RASAL2: variants seen among roughly 807,000 people sequenced by gnomAD.
RASAL2 encodes RAS protein activator like 2.
Under a neutral mutation model 128.9 loss-of-function variants are expected in RASAL2, and 58 were observed. That is an observed-to-expected ratio of 0.45 (90% CI 0.36 to 0.56). The LOEUF is 0.56. Among genes scored for constraint, RASAL2 ranks in the 20% least tolerant of loss-of-function variants. The pLI is 0.00. For synonymous variants in RASAL2, 561 were observed against 580.8 expected, an observed-to-expected ratio of 0.97 and a Z score of 0.49; for missense variants, 1,360 against 1,601.6, an observed-to-expected ratio of 0.85 and a Z score of 2.57.
At chr1:178,461,814 C>T (rs1021644382) in intron 14 of RASAL2, among the ~76,000 whole-genome samples, 3 of 152,186 alleles carry the variant, frequency 2.0e-5, no homozygotes, top group African/African-American at 7.2e-5. Flanking sequence ...GGGAATCCGA[C>T]TATTTCACAC....
At chr1:178,251,845 A>T (rs1010269136) in intron 1 of RASAL2, among the ~76,000 whole-genome samples, 2 of 152,212 alleles carry the variant, frequency 1.3e-5, no homozygotes, top group African/African-American at 4.8e-5. Context: ...CCTTGTAAAG[A>T]TGGTTGCAAA....
chr1:178,444,600 C>T (rs1676875317), intron 8 of RASAL2, among the ~76,000 whole-genome samples: 1 of 152,114 alleles, frequency 6.6e-6, no homozygotes. Context: ...TTGAGCTTTA[C>T]TAGAAGTTCT....
At chr1:178,333,960 T>G (rs956741878) in intron 3 of RASAL2, among the ~76,000 whole-genome samples, 1 of 152,354 alleles carries the variant, frequency 6.6e-6, no homozygotes, top group Non-Finnish European at 1.5e-5. Flanking sequence ...TGGCTTGTTT[T>G]TAAAGCAACA....
intron 1 of RASAL2, among the ~76,000 whole-genome samples, chr1:178,211,839 C>T (rs145749989): frequency 9.1e-4 from 138 of 152,306 alleles, no homozygotes; most frequent in African/African-American, 2.7e-3. Flanking sequence ...AACCAACCAT[C>T]GTAACAGTTA....
At chr1:178,162,328 T>G (rs1413943909) in intron 1 of RASAL2, among the ~76,000 whole-genome samples, 2 of 127,096 alleles carry the variant, frequency 1.6e-5, no homozygotes, top group Admixed American at 9.7e-5. Context: ...TATATTATAT[T>G]TATAATATAT....
intron 4 of RASAL2, among the ~76,000 whole-genome samples, chr1:178,417,719 A>G (rs1674856200): frequency 2.0e-5 from 3 of 146,528 alleles, no homozygotes; most frequent in African/African-American, 7.7e-5. Context: ...AGATTGCACC[A>G]TTGCACTCCA....
chr1:178,132,907 C>T (rs955837396), intron 1 of RASAL2, among the ~76,000 whole-genome samples: 3 of 151,694 alleles, frequency 2.0e-5, no homozygotes, highest in South Asian at 2.1e-4. Context: ...TAGCTGGGAC[C>T]GCAGGTATGT....
intron 3 of RASAL2, among the ~76,000 whole-genome samples, chr1:178,306,187 G>C (rs1390090234): frequency 6.6e-6 from 1 of 152,146 alleles, no homozygotes; most frequent in Non-Finnish European, 1.5e-5. Context: ...TGAGAATGAT[G>C]ATTTCCAATT....
intron 1 of RASAL2, among the ~76,000 whole-genome samples, chr1:178,264,597 G>A (rs866352425): frequency 4.7e-4 from 71 of 152,222 alleles, no homozygotes; most frequent in African/African-American, 1.6e-3. Flanking sequence ...TATCATAGAG[G>A]ACACAAATGA....
intron 5 of RASAL2, among the ~76,000 whole-genome samples, chr1:178,438,819 T>C (rs1206927849): frequency 6.6e-6 from 1 of 151,726 alleles, no homozygotes; most frequent in East Asian, 1.9e-4. Context: ...GAATTCTATA[T>C]TGAGATGGAA....
At chr1:178,237,106 GA>G (rs1664286364) in intron 1 of RASAL2, among the ~76,000 whole-genome samples, 1 of 151,880 alleles carries the variant, frequency 6.6e-6, no homozygotes, top group Non-Finnish European at 1.5e-5. Context: ...TTAATCCTCC[GA>G]ATAATCCTGC....
intron 1 of RASAL2, among the ~76,000 whole-genome samples, chr1:178,239,191 G>C (rs559367433): frequency 2.1e-4 from 32 of 152,138 alleles, no homozygotes; most frequent in African/African-American, 7.7e-4. Context: ...AATCTTAAGG[G>C]ATATTGATTC....
intron 1 of RASAL2, among the ~76,000 whole-genome samples, chr1:178,124,566 G>A (rs1263760854): frequency 6.6e-6 from 1 of 152,166 alleles, no homozygotes; most frequent in Non-Finnish European, 1.5e-5. Context: ...TTATAAACGA[G>A]TAGCTTAGTA....
intron 1 of RASAL2, among the ~76,000 whole-genome samples, chr1:178,239,357 A>G (rs1008768821): frequency 2.0e-5 from 3 of 152,094 alleles, no homozygotes; most frequent in Admixed American, 2.0e-4. Context: ...CCCAGATCCA[A>G]GCTTTTTTAA....
At chr1:178,419,208 G>A (rs1180811779) in intron 4 of RASAL2, among the ~76,000 whole-genome samples, 1 of 152,108 alleles carries the variant, frequency 6.6e-6, no homozygotes, top group Non-Finnish European at 1.5e-5. Context: ...TCAAGAAAGA[G>A]TCATTCTCCA....
At chr1:178,129,498 T>C (rs966549455) in intron 1 of RASAL2, among the ~76,000 whole-genome samples, 2 of 152,162 alleles carry the variant, frequency 1.3e-5, no homozygotes, top group African/African-American at 4.8e-5. Flanking sequence ...AAAAGATCTT[T>C]ATAAAGATAG....
chr1:178,398,559 A>G (rs1230219764), intron 4 of RASAL2, among the ~76,000 whole-genome samples: 1 of 152,142 alleles, frequency 6.6e-6, no homozygotes. Context: ...ATATCAACAA[A>G]TCAGGAAATA....
At chr1:178,444,238 AT>A (rs1324590346) in intron 8 of RASAL2, among the ~76,000 whole-genome samples, 1 of 152,166 alleles carries the variant, frequency 6.6e-6, no homozygotes, top group African/African-American at 2.4e-5. Flanking sequence ...ATTTACGTAC[AT>A]TTTAGGTAGA....
intron 2 of RASAL2, among the ~76,000 whole-genome samples, chr1:178,287,008 G>A (rs1478731548): frequency 6.6e-6 from 1 of 151,896 alleles, no homozygotes; most frequent in Non-Finnish European, 1.5e-5. Flanking sequence ...TGAGACCTAG[G>A]ACCCATTGAT....
Sources: allele counts gnomAD v4.1 joint callset (sites outside exome capture counted in the v4.1 genomes callset), GRCh38; gene constraint gnomAD v4.1.1; transcripts MANE v1.5; gene names NCBI Gene and HGNC (gene_info 2026-07-23, HGNC 2026-07-21).